The following LOC128706666 variants were observed in gnomAD, a reference collection of about 807,000 sequenced individuals.
the LOC128706666 span, among the ~76,000 whole-genome samples, chr20:10,433,727 G>A: frequency 6.6e-6 from 1 of 152,114 alleles, no homozygotes; most frequent in Non-Finnish European, 1.5e-5. Context: ...GGTACACCGT[G>A]CACCCTCCAG....
the LOC128706666 span, among the ~76,000 whole-genome samples, chr20:10,414,221 G>A: frequency 1.3e-5 from 2 of 151,434 alleles, no homozygotes; most frequent in African/African-American, 4.9e-5. Flanking sequence ...ATGCTTCTAG[G>A]AGAGAAATGC....
At chr20:10,421,416 C>CAA in the LOC128706666 span, among the ~76,000 whole-genome samples, 9 of 86,098 alleles carry the variant, frequency 1.0e-4, no homozygotes, top group Non-Finnish European at 1.9e-4. Flanking sequence ...GACTCCATCA[C>CAA]AAAAAAAAAA....
the LOC128706666 span, among the ~76,000 whole-genome samples, chr20:10,432,789 CA>C: frequency 0.068 from 5,059 of 74,178 alleles, 92 homozygotes; most frequent in East Asian, 0.21. Flanking sequence ...GACTCTTTGT[CA>C]AAAAAAAAAA....
At chr20:10,428,186 G>T in the LOC128706666 span, among the ~76,000 whole-genome samples, 1 of 152,194 alleles carries the variant, frequency 6.6e-6, no homozygotes, top group Non-Finnish European at 1.5e-5. Context: ...CACAATGGTT[G>T]TAGTGGTTTA....
At chr20:10,431,152 C>T in the LOC128706666 span, among the ~76,000 whole-genome samples, 1 of 152,034 alleles carries the variant, frequency 6.6e-6, no homozygotes, top group East Asian at 1.9e-4. Flanking sequence ...TTATCTTATA[C>T]GAATCATATA....
the LOC128706666 span, among the ~76,000 whole-genome samples, chr20:10,417,849 G>A: frequency 4.6e-5 from 7 of 152,136 alleles, no homozygotes; most frequent in African/African-American, 1.7e-4. Context: ...GGAAATAGGG[G>A]AGAGAAAGAG....
At chr20:10,424,399 G>GA in the LOC128706666 span, among the ~76,000 whole-genome samples, 41 of 151,840 alleles carry the variant, frequency 2.7e-4, no homozygotes, top group Admixed American at 4.6e-4. Flanking sequence ...TATTTTAAAA[G>GA]AAAAAACATA....
chr20:10,422,284 T>C, the LOC128706666 span, among the ~76,000 whole-genome samples: 897 of 152,312 alleles, frequency 5.9e-3, 5 homozygotes, highest in Non-Finnish European at 9.0e-3. Context: ...AAGTATTTTA[T>C]GGCCTTTTCC....
chr20:10,433,719 TACACCGTGCACCCTCC>T, the LOC128706666 span, among the ~76,000 whole-genome samples: 12 of 151,988 alleles, frequency 7.9e-5, no homozygotes, highest in South Asian at 2.5e-3. Context: ...CAGCCTGGGG[TACACCGTGCACCCTCC>T]AGACAGTCAG....
chr20:10,420,465 G>C, the LOC128706666 span: 5 of 152,334 alleles, frequency 3.3e-5, 1 homozygote, highest in Admixed American at 3.3e-4. Flanking sequence ...AGATCTAAAA[G>C]ATTGAGTTTC....
chr20:10,432,610 T>C, the LOC128706666 span, among the ~76,000 whole-genome samples: 1 of 152,000 alleles, frequency 6.6e-6, no homozygotes, highest in African/African-American at 2.4e-5. Context: ...CTGGCCAACA[T>C]GGCGAAACAC....
the LOC128706666 span, among the ~76,000 whole-genome samples, chr20:10,414,265 C>CTTTT: frequency 0.12 from 15,910 of 131,866 alleles, 1,074 homozygotes; most frequent in South Asian, 0.21. Context: ...GTCTCTGAGT[C>CTTTT]TTTTTTTTTT....
At chr20:10,433,212 G>C in the LOC128706666 span, among the ~76,000 whole-genome samples, 1 of 152,226 alleles carries the variant, frequency 6.6e-6, no homozygotes, top group Admixed American at 6.5e-5. Flanking sequence ...CGCCACGTTG[G>C]CCTGGCTGGC....
the LOC128706666 span, among the ~76,000 whole-genome samples, chr20:10,430,658 G>T: frequency 2.0e-4 from 30 of 152,298 alleles, no homozygotes; most frequent in African/African-American, 7.0e-4. Context: ...TTTGGGGTTT[G>T]ACTAGGGTAG....
At chr20:10,422,078 A>G in the LOC128706666 span, among the ~76,000 whole-genome samples, 1 of 152,164 alleles carries the variant, frequency 6.6e-6, no homozygotes, top group Non-Finnish European at 1.5e-5. Flanking sequence ...AATAGTACTG[A>G]GTTAAATAGT....
chr20:10,419,112 C>T, the LOC128706666 span, among the ~76,000 whole-genome samples: 2 of 152,048 alleles, frequency 1.3e-5, no homozygotes, highest in African/African-American at 2.4e-5. Flanking sequence ...AAATCTCAGA[C>T]CAAGGCTTAT....
chr20:10,427,061 C>CACACACACACACACACACACACACAA, the LOC128706666 span, among the ~76,000 whole-genome samples: 1 of 144,696 alleles, frequency 6.9e-6, no homozygotes, highest in African/African-American at 2.5e-5. Flanking sequence ...CACACACACA[C>CACACACACACACACACACACACACAA]ACACACACAC....
the LOC128706666 span, among the ~76,000 whole-genome samples, chr20:10,417,667 T>TCC: frequency 3.5e-5 from 2 of 56,358 alleles, no homozygotes; most frequent in Non-Finnish European, 7.1e-5. Context: ...TGTAGCCTTC[T>TCC]CTGTAAAAAA....
the LOC128706666 span, among the ~76,000 whole-genome samples, chr20:10,427,028 T>TGACACACACACAGACACACA: frequency 6.5e-5 from 4 of 61,436 alleles, no homozygotes; most frequent in African/African-American, 3.2e-4. Context: ...AAGAAAACAC[T>TGACACACACACAGACACACA]GACACACACA....
Sources: gnomAD v4.1 joint callset for allele counts (sites outside exome capture counted in the v4.1 genomes callset) on GRCh38, gnomAD v4.1.1 for gene constraint, MANE v1.5 for transcripts.